The following AKT2 variants were observed in gnomAD, a reference collection of about 807,000 sequenced individuals.
AKT2 encodes AKT serine/threonine kinase 2, also known as RAC-beta serine/threonine-protein kinase.
Under a neutral mutation model 58.6 loss-of-function variants are expected in AKT2, and 16 were observed. The ratio of observed to expected loss-of-function variants is 0.27; its 90% CI spans 0.18 to 0.41. AKT2 has a LOEUF of 0.41. Ranked by LOEUF, AKT2 falls within the 10% of genes least tolerant of loss-of-function variation. The pLI is 1.00. For missense variants in AKT2, 438 were observed against 661.0 expected (o/e 0.66, Z 3.70); for synonymous variants, 253 against 254.0 (o/e 1.00, Z 0.04).
intron 1 of AKT2, among the ~76,000 whole-genome samples, chr19:40,284,286 C>A (rs1332298215): frequency 6.6e-6 from 1 of 152,144 alleles, no homozygotes; most frequent in Non-Finnish European, 1.5e-5. Context: ...TCCTCAAATC[C>A]AAGCCCAATC....
rs1382846556 is a variant in AKT2 at position 40,236,329 on chromosome 19, G to C, written c.888C>G (p.Leu296=). 1.2e-6 allele frequency: 2 copies of C among 1,614,098 alleles called. No individual in the cohort carries two copies. The highest frequency in any genetic ancestry group is 3.3e-5 in the Admixed American group (2 of 60,012). The change falls in exon 10 of 14, where the codon CTC becomes CTG. Residue 296 remains leucine (L), a synonymous_variant. Coordinates refer to ENST00000392038, the MANE Select transcript of AKT2 (RefSeq NM_001626.6). ...CCCCGTCACTGATGCCCTCTTTGCA[G>C]AGGCCAAAGTCAGTGATCTTGATGT... ...DGHIKITDFG[L]CKEGISDGAT...
chr19:40,284,754 G>A (rs2077482779), intron 1 of AKT2: 1 of 155,116 alleles, frequency 6.4e-6, no homozygotes, highest in South Asian at 2.0e-4. Context: ...ATCCTCCCCA[G>A]AAGCCCCCAC....
chr19:40,241,222 A>G (rs1219168648), intron 6 of AKT2: 1 of 154,474 alleles, frequency 6.5e-6, no homozygotes, highest in East Asian at 1.9e-4. Flanking sequence ...CAAAACGTTA[A>G]CAGTGCTGAG....
chr19:40,276,015 A>C (rs2077315788), intron 1 of AKT2, among the ~76,000 whole-genome samples: 1 of 151,488 alleles, frequency 6.6e-6, no homozygotes, highest in African/African-American at 2.4e-5. Flanking sequence ...CCGTCTCAAA[A>C]AAAAAAAAAA....
chr19:40,278,634 A>C (rs183779954), intron 1 of AKT2, among the ~76,000 whole-genome samples: 1 of 152,096 alleles, frequency 6.6e-6, no homozygotes, highest in African/African-American at 2.4e-5. Context: ...CCAAGGACCA[A>C]CAACGAGCCT....
At chr19:40,255,009 TCAGCCCCAGCTGGA>T in intron 4 of AKT2, 135 bp downstream of exon 4, 4 of 655,612 alleles carry the variant, frequency 6.1e-6, no homozygotes, top group South Asian at 4.6e-5. Flanking sequence ...CCAGCTCTTC[TCAGCCCCAGCTGGA>T]GAGACCCCCC....
At chr19:40,282,960 C>T (rs1461549641) in intron 1 of AKT2, 2 of 165,158 alleles carry the variant, frequency 1.2e-5, no homozygotes, top group African/African-American at 4.8e-5. Context: ...AATCTTTGCA[C>T]TTCACAGTGA....
intron 2 of AKT2, among the ~76,000 whole-genome samples, chr19:40,262,502 G>A (rs1330552583): frequency 1.3e-5 from 2 of 152,226 alleles, no homozygotes; most frequent in Non-Finnish European, 2.9e-5. Context: ...GTGTGCTGCA[G>A]CTGTGTCAGA....
intron 10 of AKT2, 58 bp from the exon 11 acceptor site, chr19:40,236,162 C>G (rs1974012804): frequency 6.2e-7 from 1 of 1,613,254 alleles, no homozygotes; most frequent in Non-Finnish European, 8.5e-7. Context: ...GCATCACAGT[C>G]CTGCCCTCAG....
At chr19:40,254,037 G>A (rs1050405215) in intron 4 of AKT2, among the ~76,000 whole-genome samples, 1 of 151,740 alleles carries the variant, frequency 6.6e-6, no homozygotes, top group African/African-American at 2.4e-5. Context: ...GCTCTTTGAG[G>A]GCACCTAAGA....
At chr19:40,263,339 GC>G (rs2145350969) in intron 2 of AKT2, among the ~76,000 whole-genome samples, 1 of 152,306 alleles carries the variant, frequency 6.6e-6, no homozygotes, top group African/African-American at 2.4e-5. Context: ...TTTACTGAGT[GC>G]CTACTGTATG....
At chr19:40,241,844 A>G in intron 6 of AKT2, 94 bp downstream of exon 6, 2 of 1,566,446 alleles carry the variant, frequency 1.3e-6, no homozygotes, top group Non-Finnish European at 1.7e-6. Flanking sequence ...AGCCCACAGC[A>G]GCAGAAAGCG....
At position 40,233,792 on chromosome 19, in the gene AKT2, A is replaced by T; in HGVS notation, c.*80T>A. 7.0e-7 allele frequency: 1 copy of T among 1,438,758 alleles called. No individual in the cohort carries two copies. The highest frequency in any genetic ancestry group is 9.6e-7 in the Non-Finnish European group (1 of 1,036,534). 89.1% of individuals were successfully genotyped at this position (1,438,758 alleles called of 1,614,324 possible). Reference sequence around the variant, plus strand: ...GTGGGGGTGGGGACACAAACCAAAAAGGCTAAGTAAAAAGTTAGGGGGAAA... The same window carrying T: ...GTGGGGGTGGGGACACAAACCAAAATGGCTAAGTAAAAAGTTAGGGGGAAA... On this transcript the variant is annotated 3_prime_UTR_variant, in exon 14 of 14. Transcript: ENST00000392038. The surrounding 1 kb of genome is among the most constrained non-coding windows in gnomAD (Gnocchi z 4.3).
In AKT2 at chr19:40,233,604, G is replaced by C. The variant is rs1474854579; in HGVS notation, c.*268C>G. On this transcript the variant is annotated 3_prime_UTR_variant, in exon 14 of 14. Coordinates refer to ENST00000392038, the MANE Select transcript of AKT2 (RefSeq NM_001626.6). The surrounding 1 kb of genome is among the most constrained non-coding windows in gnomAD (Gnocchi z 4.3). ...CTGGGGCTTGTGTGGATTAAAACCT[G>C]AATCTCCAACCGCCCAACAGCCCAG... 3 of 731,776 alleles carry C rather than the reference G, an allele frequency of 4.1e-6. No individual in the cohort carries two copies. In the Admixed American group the frequency reaches 5.2e-5, roughly 13 times the overall value. 45.3% of individuals were successfully genotyped at this position (731,776 alleles called of 1,614,324 possible).
At chr19:40,277,254 A>C (rs1030605075) in intron 1 of AKT2, among the ~76,000 whole-genome samples, 4 of 152,158 alleles carry the variant, frequency 2.6e-5, no homozygotes, top group African/African-American at 9.7e-5. Flanking sequence ...TCATCCCAAT[A>C]ATTTCCAACA....
At chr19:40,254,204 C>A (rs914446881) in intron 4 of AKT2, among the ~76,000 whole-genome samples, 4 of 152,106 alleles carry the variant, frequency 2.6e-5, no homozygotes, top group Non-Finnish European at 5.9e-5. Flanking sequence ...ACTCTCTGGA[C>A]CACCTGCCTC....
At chr19:40,272,422 T>C (rs1294890072) in intron 1 of AKT2, among the ~76,000 whole-genome samples, 1 of 152,218 alleles carries the variant, frequency 6.6e-6, no homozygotes, top group Non-Finnish European at 1.5e-5. Flanking sequence ...CAAGCCATCC[T>C]GAGCACAGAA....
intron 9 of AKT2, chr19:40,236,634 C>T (rs1599954528): frequency 1.8e-6 from 1 of 558,198 alleles, no homozygotes; most frequent in East Asian, 3.1e-5. Flanking sequence ...AGGCCCTGTC[C>T]ACCCACCGTC....
rs80094672 is a variant in AKT2 at position 40,269,255 on chromosome 19, C to A, written c.-84-3904G>T. On this transcript the variant is annotated intron_variant, in intron 1 of 13. Coordinates refer to ENST00000392038, the MANE Select transcript of AKT2 (RefSeq NM_001626.6). ...ACGGCCCCACCACACTCATTACTTC[C>A]TAAGGTTCCTGGGCATGAGTCTTCT... Among the ~76,000 whole-genome samples the A allele has an allele frequency of 8.3e-3, 1,257 of 152,246 alleles. 17 individuals carry two copies. The highest frequency in any genetic ancestry group is 0.023 in the Admixed American group (352 of 15,286).
Sources: allele counts gnomAD v4.1 joint callset (sites outside exome capture counted in the v4.1 genomes callset), GRCh38; gene constraint gnomAD v4.1.1; non-coding constraint Gnocchi (gnomAD v3.1); transcripts MANE v1.5; gene names NCBI Gene and HGNC (gene_info 2026-07-23, HGNC 2026-07-21).